The following PLPP1 variants were observed in gnomAD, a reference collection of about 807,000 sequenced individuals.
PLPP1 encodes the protein lipid phosphate phosphohydrolase 1a.
In PLPP1, 24 loss-of-function variants were observed where a neutral mutation model predicts 31.2. That is an observed-to-expected ratio of 0.77 (90% confidence interval 0.56 to 1.08). PLPP1 has a LOEUF of 1.08. Among genes scored for constraint, PLPP1 ranks in the 50% least tolerant of loss-of-function variants. The probability of loss-of-function intolerance (pLI) is 0.00; values close to 1 mark genes in which losing one functional copy is unlikely to be tolerated. For missense variants in PLPP1, 319 were observed against 342.7 expected (o/e 0.93, Z 0.55); for synonymous variants, 146 against 126.3 (o/e 1.16, Z -1.05).
At chr5:55,478,052 C>T (rs1247528307) in intron 1 of PLPP1, among the ~76,000 whole-genome samples, 1 of 151,890 alleles carries the variant, frequency 6.6e-6, no homozygotes, top group Non-Finnish European at 1.5e-5. Context: ...ACTCACTAGG[C>T]TGTGTGTCCT....
At chr5:55,505,463 T>C (rs1389281558) in intron 1 of PLPP1, among the ~76,000 whole-genome samples, 1 of 146,190 alleles carries the variant, frequency 6.8e-6, no homozygotes, top group African/African-American at 2.5e-5. Context: ...AAAAAACAAA[T>C]AGCAGAGGTT....
chr5:55,478,267 G>C (rs547326844), intron 1 of PLPP1, among the ~76,000 whole-genome samples: 3 of 152,186 alleles, frequency 2.0e-5, no homozygotes, highest in East Asian at 3.9e-4. Flanking sequence ...CCATACAAAG[G>C]ATAATAGCCC....
At position 55,424,948 on chromosome 5, in the gene PLPP1, A is replaced by T. The variant is rs1242401311; in HGVS notation, c.*258T>A. On this transcript the variant is annotated 3_prime_UTR_variant, in exon 6 of 6. Coordinates refer to ENST00000307259, the MANE Select transcript of PLPP1 (RefSeq NM_003711.4). ...ATACATGTTTATACATAAGCATTAC[A>T]TTTTTTTAATAAAAATGTATACAGG... 4.7e-6 allele frequency: 3 copies of T among 637,952 alleles called. No homozygotes were observed. Among genetic ancestry groups the T allele is most frequent in the African/African-American group, 3.7e-5 (2 of 54,678 alleles). 39.5% of individuals were successfully genotyped at this position (637,952 alleles called of 1,614,324 possible). A position where few individuals can be genotyped will look rare whatever the true frequency, so the allele number is the denominator to read the frequency against.
chr5:55,451,578 T>C (rs1201738564), intron 3 of PLPP1, among the ~76,000 whole-genome samples: 1 of 152,066 alleles, frequency 6.6e-6, no homozygotes, highest in Non-Finnish European at 1.5e-5. Flanking sequence ...TTTTCTTTTT[T>C]TGAGACAGAG....
chr5:55,506,355 TGAGTGAACACTAA>T (rs1247515317), intron 1 of PLPP1, among the ~76,000 whole-genome samples: 1 of 151,428 alleles, frequency 6.6e-6, no homozygotes, highest in African/African-American at 2.4e-5. Flanking sequence ...GCACAGCACT[TGAGTGAACACTAA>T]GGCAGATAAT....
rs990659834 is a variant in PLPP1 at position 55,534,902 on chromosome 5, G to A, written c.-273C>T. 5 of 457,328 alleles carry A rather than the reference G, an allele frequency of 1.1e-5. No homozygotes were observed. The highest frequency in any genetic ancestry group is 1.0e-4 in the African/African-American group (5 of 48,018). 28.3% of individuals were successfully genotyped at this position (457,328 alleles called of 1,614,324 possible). A position where few individuals can be genotyped will look rare whatever the true frequency, so the allele number is the denominator to read the frequency against. On this transcript the variant is annotated 5_prime_UTR_variant, in exon 1 of 6. Coordinates refer to ENST00000307259, the MANE Select transcript of PLPP1 (RefSeq NM_003711.4). ...AGCCGCGGCAGCTCTGTAGCCTCAG[G>A]ACCTCCTCAGCCGGCACGGCCTGCC... is the stretch of plus-strand genomic sequence containing the variant.
At chr5:55,524,796 G>A (rs1451404815) in intron 1 of PLPP1, among the ~76,000 whole-genome samples, 1 of 152,090 alleles carries the variant, frequency 6.6e-6, no homozygotes, top group East Asian at 1.9e-4. Context: ...GGCGACAAGA[G>A]TGAAACTACG....
intron 1 of PLPP1, among the ~76,000 whole-genome samples, chr5:55,520,209 T>C (rs900786191): frequency 2.6e-5 from 4 of 152,198 alleles, no homozygotes; most frequent in Non-Finnish European, 5.9e-5. Flanking sequence ...CACCTAGAAG[T>C]ACAATCAAAA....
intron 4 of PLPP1, among the ~76,000 whole-genome samples, chr5:55,441,571 G>A (rs1340308306): frequency 6.6e-6 from 1 of 152,218 alleles, no homozygotes; most frequent in East Asian, 1.9e-4. Flanking sequence ...CCCAGTTAGG[G>A]AGGAGGTTAA....
At chr5:55,443,212 TACACACACAC>T (rs960914383) in intron 3 of PLPP1, among the ~76,000 whole-genome samples, 3 of 104,998 alleles carry the variant, frequency 2.9e-5, no homozygotes, top group African/African-American at 3.8e-5. Context: ...TATATATATA[TACACACACAC>T]ACACACACAC....
intron 3 of PLPP1, among the ~76,000 whole-genome samples, chr5:55,443,212 T>TATATATATACAC (rs1169152710): frequency 7.6e-5 from 8 of 105,004 alleles, no homozygotes; most frequent in South Asian, 3.2e-4. Flanking sequence ...TATATATATA[T>TATATATATACAC]ACACACACAC....
At chr5:55,514,674 C>CT (rs113730209) in intron 1 of PLPP1, among the ~76,000 whole-genome samples, 33 of 151,058 alleles carry the variant, frequency 2.2e-4, no homozygotes, top group East Asian at 1.6e-3. Context: ...AACACACACG[C>CT]TTTTTTTTTA....
intron 4 of PLPP1, among the ~76,000 whole-genome samples, chr5:55,426,349 G>A (rs1054108326): frequency 4.6e-5 from 7 of 152,100 alleles, no homozygotes; most frequent in Admixed American, 2.0e-4. Context: ...TCCTCCCCTT[G>A]CAATTTGGGT....
intron 1 of PLPP1, among the ~76,000 whole-genome samples, chr5:55,515,667 G>A (rs953303519): frequency 1.3e-5 from 2 of 151,544 alleles, no homozygotes; most frequent in Admixed American, 1.3e-4. Context: ...AAAGTAGATC[G>A]TTACCACTCT....
At chr5:55,428,400 G>A (rs1751262308) in intron 4 of PLPP1, among the ~76,000 whole-genome samples, 1 of 152,160 alleles carries the variant, frequency 6.6e-6, no homozygotes, top group African/African-American at 2.4e-5. Flanking sequence ...TCAAGAAAGT[G>A]GACACCCTGA....
Position 55,511,726 on chromosome 5 carries a change from C to T in PLPP1, c.58+22846G>A, listed in dbSNP as rs554198126. ...TCGCCCAGGCTGGAGTGCAGTGGCG[C>T]GATCTCTGCTCACTGCAAGCTCCGC... On this transcript the variant is annotated intron_variant, in intron 1 of 5. Transcript: ENST00000307259. 4.5e-5 allele frequency among the ~76,000 whole-genome samples: 6 copies of T among 133,260 alleles called. No individual in the cohort carries two copies. The South Asian group carries it at 1.2e-3, about 27-fold the overall frequency. The allele number at this position is 133,260 out of a possible 152,430, so 87.4% of individuals were successfully genotyped here. A position where few individuals can be genotyped will look rare whatever the true frequency, so the allele number is the denominator to read the frequency against.
At chr5:55,432,800 TAAA>T (rs70992791) in intron 4 of PLPP1, among the ~76,000 whole-genome samples, 4 of 145,774 alleles carry the variant, frequency 2.7e-5, no homozygotes, top group East Asian at 2.0e-4. Flanking sequence ...CTTCATGATT[TAAA>T]AAAAAAAAAA....
chr5:55,430,401 G>A (rs1324841274), intron 4 of PLPP1, among the ~76,000 whole-genome samples: 2 of 152,176 alleles, frequency 1.3e-5, no homozygotes, highest in African/African-American at 2.4e-5. Context: ...CCCACCTAAT[G>A]TTCCCATCTC....
At position 55,534,731 on chromosome 5, in the gene PLPP1, G is replaced by A. The variant is rs529307554; in HGVS notation, c.-102C>T. On this transcript the variant is annotated 5_prime_UTR_variant, in exon 1 of 6. Coordinates refer to ENST00000307259, the MANE Select transcript of PLPP1 (RefSeq NM_003711.4). ...CCGGGCCGGGGCTGGCGACGGCCCC[G>A]AGCTACGGCCCCTCCCAGCCGGAGG... 29 of 1,239,156 alleles carry A rather than the reference G, an allele frequency of 2.3e-5. No homozygotes were observed. The East Asian group carries it at 7.3e-4, about 31-fold the overall frequency. 76.8% of individuals were successfully genotyped at this position (1,239,156 alleles called of 1,614,324 possible).
Sources: allele counts gnomAD v4.1 joint callset (sites outside exome capture counted in the v4.1 genomes callset), GRCh38; gene constraint gnomAD v4.1.1; transcripts MANE v1.5; gene names NCBI Gene and HGNC (gene_info 2026-07-23, HGNC 2026-07-21).